Variants in CPM observed in about 807,000 individuals in gnomAD.
CPM encodes the protein renal carboxypeptidase.
Under a neutral mutation model 46.4 loss-of-function variants are expected in CPM, and 35 were observed. The observed-to-expected ratio is 0.75, with a 90% CI of 0.58 to 1.00. The LOEUF (loss-of-function observed/expected upper bound fraction) is 1.00, where lower values mean the gene tolerates loss of function less well. Ranked by LOEUF, CPM falls within the 50% of genes least tolerant of loss-of-function variation. The probability of loss-of-function intolerance (pLI) is 0.00; values close to 1 mark genes in which losing one functional copy is unlikely to be tolerated. For missense variants in CPM, 422 were observed against 530.4 expected (o/e 0.80, Z 2.01); for synonymous variants, 195 against 195.3 (o/e 1.00, Z 0.01).
chr12:68,904,915 GT>G (rs144439684), intron 2 of CPM, among the ~76,000 whole-genome samples: 15,070 of 152,084 alleles, frequency 0.099, 829 homozygotes, highest in East Asian at 0.17. Flanking sequence ...CAGAAAAGTG[GT>G]TTTTTTGGGG....
intron 1 of CPM, among the ~76,000 whole-genome samples, chr12:68,956,750 TCA>T (rs1422115088): frequency 3.3e-5 from 5 of 152,210 alleles, no homozygotes; most frequent in Admixed American, 1.3e-4. Flanking sequence ...GAGCACCAAA[TCA>T]CAGTTCACAT....
chr12:68,900,970 T>G (rs78996396), intron 2 of CPM, among the ~76,000 whole-genome samples: 2,053 of 152,290 alleles, frequency 0.013, 49 homozygotes, highest in African/African-American at 0.045. Flanking sequence ...AAACCCCTAC[T>G]TCAGTGTAGG....
intron 3 of CPM, among the ~76,000 whole-genome samples, chr12:68,877,729 C>G (rs193231556): frequency 3.3e-4 from 50 of 152,250 alleles, no homozygotes; most frequent in African/African-American, 1.2e-3. Context: ...GGAAAAGGAG[C>G]TTGGGCAGCG....
chr12:68,927,231 T>A (rs1413369762), intron 2 of CPM, among the ~76,000 whole-genome samples: 1 of 151,216 alleles, frequency 6.6e-6, no homozygotes, highest in Non-Finnish European at 1.5e-5. Context: ...ACCTGTTGTT[T>A]CCTGACTTTT....
chr12:68,870,094 C>T, intron 5 of CPM, 121 bp downstream of exon 5: 1 of 993,344 alleles, frequency 1.0e-6, no homozygotes, highest in Non-Finnish European at 1.4e-6. Flanking sequence ...GAACATGAAG[C>T]TCTTTTCACC....
At chr12:68,922,834 C>T (rs551891551) in intron 2 of CPM, among the ~76,000 whole-genome samples, 1 of 152,162 alleles carries the variant, frequency 6.6e-6, no homozygotes, top group Non-Finnish European at 1.5e-5. Flanking sequence ...AACCTCTTCA[C>T]AAACTACTAT....
downstream of CPM, chr12:68,848,955 C>G (rs1003787343): frequency 6.6e-5 from 10 of 152,200 alleles, no homozygotes; most frequent in Middle Eastern, 0.01. Context: ...TCATGATCCG[C>G]CTGCCTCTGC....
At chr12:68,902,025 T>G (rs572437428) in intron 2 of CPM, among the ~76,000 whole-genome samples, 1 of 152,330 alleles carries the variant, frequency 6.6e-6, no homozygotes, top group South Asian at 2.1e-4. Context: ...AAACCTTTGT[T>G]GCTTTAAGAA....
intron 6 of CPM, among the ~76,000 whole-genome samples, chr12:68,867,785 C>A (rs1187500884): frequency 6.6e-6 from 1 of 152,214 alleles, no homozygotes. Flanking sequence ...CAGGCTGCCA[C>A]TGCTCATGCT....
intron 2 of CPM, among the ~76,000 whole-genome samples, chr12:68,901,508 A>G (rs1263863610): frequency 1.3e-5 from 2 of 152,246 alleles, no homozygotes; most frequent in Non-Finnish European, 2.9e-5. Flanking sequence ...CAAGCACATT[A>G]GCTTTATTAA....
At chr12:68,894,557 G>C (rs1886790361) in intron 2 of CPM, among the ~76,000 whole-genome samples, 1 of 152,050 alleles carries the variant, frequency 6.6e-6, no homozygotes, top group Non-Finnish European at 1.5e-5. Flanking sequence ...CATTGTTTTA[G>C]CTTAAAATGG....
At chr12:68,851,033 T>C (rs1884648677), downstream of CPM, 1 of 152,478 alleles carries the variant, frequency 6.6e-6, no homozygotes, top group Non-Finnish European at 1.5e-5. Context: ...TGAAGAGTTG[T>C]TGCAATGTTA....
chr12:68,843,134 A>G (rs1278852743), intron 5 of CPM: 5 of 223,544 alleles, frequency 2.2e-5, no homozygotes, highest in African/African-American at 8.9e-5. Flanking sequence ...TTGGAAAACA[A>G]TGTATGGGTA....
upstream of CPM, among the ~76,000 whole-genome samples, chr12:68,933,433 G>A (rs1888602225): frequency 6.6e-6 from 1 of 152,180 alleles, no homozygotes; most frequent in Non-Finnish European, 1.5e-5. Flanking sequence ...GTCTTTGCTG[G>A]AGCCCCAGGT....
chr12:68,937,503 G>A (rs1888690758), upstream of CPM, among the ~76,000 whole-genome samples: 1 of 152,166 alleles, frequency 6.6e-6, no homozygotes, highest in Non-Finnish European at 1.5e-5. Context: ...TGTCAATAGT[G>A]CTGAAGTTAA....
At chr12:68,843,738 A>G in intron 5 of CPM, 1 of 222,426 alleles carries the variant, frequency 4.5e-6, no homozygotes, top group Non-Finnish European at 9.0e-6. Flanking sequence ...TAAATGGCCA[A>G]AGGGATTAGT....
intron 3 of CPM, 144 bp from the exon 4 acceptor site, chr12:68,872,100 C>T: frequency 1.2e-6 from 1 of 835,474 alleles, no homozygotes; most frequent in Non-Finnish European, 1.8e-6. Flanking sequence ...CTTTCTCAAG[C>T]ATGCTTATGC....
At position 68,852,787 on chromosome 12, in the gene CPM, C is replaced by G. The variant is rs2136207308; in HGVS notation, c.*3650G>C. ...GTGTTGGCCAGGCTGGTCTCGAGCTCCTGACCTCAAGTGATCCGCCTGCCT... is the reference window on the plus strand; with the variant it reads ...GTGTTGGCCAGGCTGGTCTCGAGCTGCTGACCTCAAGTGATCCGCCTGCCT... On this transcript the variant is annotated 3_prime_UTR_variant, in exon 9 of 9. Transcript: ENST00000551568. 1 of 152,120 alleles carries G rather than the reference C, an allele frequency of 6.6e-6. No individual in the cohort carries two copies. Among genetic ancestry groups the G allele is most frequent in the East Asian group, 1.9e-4 (1 of 5,186 alleles). 9.4% of individuals were successfully genotyped at this position (152,120 alleles called of 1,614,324 possible).
At chr12:68,958,434 C>A (rs1199493551) in intron 1 of CPM, among the ~76,000 whole-genome samples, 1 of 152,110 alleles carries the variant, frequency 6.6e-6, no homozygotes, top group Non-Finnish European at 1.5e-5. Context: ...GTCCCCTCCA[C>A]CCCCAGCTTT....
Sources: allele counts gnomAD v4.1 joint callset (sites outside exome capture counted in the v4.1 genomes callset), GRCh38; gene constraint gnomAD v4.1.1; transcripts MANE v1.5; gene names NCBI Gene and HGNC (gene_info 2026-07-23, HGNC 2026-07-21).